The following EPB41L2 variants were observed in gnomAD, a reference collection of about 807,000 sequenced individuals.
EPB41L2 encodes erythrocyte membrane protein band 4.1 like 2.
Under a neutral mutation model 113.0 loss-of-function variants are expected in EPB41L2, and 43 were observed. The ratio of observed to expected loss-of-function variants is 0.38; its 90% CI spans 0.30 to 0.49. The LOEUF (loss-of-function observed/expected upper bound fraction) is 0.49. Among genes scored for constraint, EPB41L2 ranks in the 20% least tolerant of loss-of-function variants. The pLI is 0.95. For synonymous variants in EPB41L2, 442 were observed against 436.7 expected (o/e 1.01, Z -0.15); for missense variants, 1,147 against 1,223.4 (o/e 0.94, Z 0.93).
At chr6:130,891,170 T>C (rs1178124986) in intron 10 of EPB41L2, among the ~76,000 whole-genome samples, 1 of 152,208 alleles carries the variant, frequency 6.6e-6, no homozygotes, top group Non-Finnish European at 1.5e-5. Context: ...GAGCTCTTAA[T>C]TTATTAAATA....
intron 4 of EPB41L2, among the ~76,000 whole-genome samples, chr6:130,910,110 A>G (rs1798900957): frequency 6.6e-6 from 1 of 152,176 alleles, no homozygotes; most frequent in Non-Finnish European, 1.5e-5. Flanking sequence ...GAGGTATCAC[A>G]CTACCTGACT....
At chr6:130,960,388 C>T (rs765124981) in intron 1 of EPB41L2, among the ~76,000 whole-genome samples, 45 of 152,152 alleles carry the variant, frequency 3.0e-4, no homozygotes, top group Non-Finnish European at 5.3e-4. Context: ...CCCATTTGTA[C>T]GTTATTGCTT....
At chr6:131,010,191 C>T (rs1786581584) in intron 1 of EPB41L2, among the ~76,000 whole-genome samples, 1 of 152,124 alleles carries the variant, frequency 6.6e-6, no homozygotes, top group Admixed American at 6.5e-5. Context: ...TGCACATAAG[C>T]ATATAAACCC....
At chr6:130,865,454 G>T in intron 17 of EPB41L2, 82 bp downstream of exon 17, 1 of 1,370,050 alleles carries the variant, frequency 7.3e-7, no homozygotes, top group South Asian at 1.3e-5. Flanking sequence ...TTGGAAGTGT[G>T]TACAGGAAGA....
At chr6:131,051,774 T>A (rs1475627729) in intron 1 of EPB41L2, among the ~76,000 whole-genome samples, 2 of 152,048 alleles carry the variant, frequency 1.3e-5, no homozygotes, top group African/African-American at 2.4e-5. Flanking sequence ...CTAACAGAAT[T>A]CTATATACAA....
chr6:130,855,158 G>A (rs1779830522), intron 19 of EPB41L2, among the ~76,000 whole-genome samples: 1 of 41,628 alleles, frequency 2.4e-5, no homozygotes. Flanking sequence ...AGACCAGCCT[G>A]GCCAACATGG....
intron 10 of EPB41L2, 49 bp from the exon 11 acceptor site, chr6:130,890,515 A>C: frequency 6.4e-7 from 1 of 1,551,828 alleles, no homozygotes; most frequent in Non-Finnish European, 8.7e-7. Flanking sequence ...GGGAAGCAAA[A>C]TTAGACTTTA....
In EPB41L2 at chr6:131,048,325, A is replaced by AT. The variant is rs527576143; in HGVS notation, c.-15+14829dup. Among the ~76,000 whole-genome samples the AT allele has an allele frequency of 1.1e-4, 17 of 152,166 alleles. No homozygotes were observed. The East Asian group carries it at 2.7e-3, about 24-fold the overall frequency. On this transcript the variant is annotated intron_variant, in intron 1 of 19. Transcript: ENST00000337057. Reference sequence around the variant, plus strand: ...TAGAAATTGTTGGGGTTTTTGTTGTATTTTTTGTTTTATGTTCCTTGTTTT... The same window carrying AT: ...TAGAAATTGTTGGGGTTTTTGTTGTATTTTTTTGTTTTATGTTCCTTGTTTT...
chr6:131,040,769 C>A (rs1050696188), intron 1 of EPB41L2, among the ~76,000 whole-genome samples: 1 of 152,128 alleles, frequency 6.6e-6, no homozygotes, highest in Non-Finnish European at 1.5e-5. Context: ...GCAATGTAAA[C>A]CATACAAAAT....
chr6:130,865,557 C>T lies in EPB41L2; in HGVS notation c.2808G>A (p.Thr936=), dbSNP rs910852195. The change falls in exon 17 of 20, where the codon ACG becomes ACA. Residue 936 remains threonine, a synonymous_variant. Coordinates refer to ENST00000337057, the MANE Select transcript of EPB41L2 (RefSeq NM_001431.4). ...QTITSESVST[T]TTTHITKTVK... ...TTACCTTGGTGATGTGTGTGGTTGTCGTTGTTGACACGGACTCAGATGTGA... is the reference window on the plus strand; with the variant it reads ...TTACCTTGGTGATGTGTGTGGTTGTTGTTGTTGACACGGACTCAGATGTGA... The T allele has an allele frequency of 2.2e-5, 36 of 1,613,954 alleles. No individual in the cohort carries two copies. Among genetic ancestry groups the T allele is most frequent in the East Asian group, 4.5e-5 (2 of 44,888 alleles).
At chr6:130,992,796 T>C (rs956720797) in intron 1 of EPB41L2, among the ~76,000 whole-genome samples, 1 of 152,046 alleles carries the variant, frequency 6.6e-6, no homozygotes, top group African/African-American at 2.4e-5. Context: ...CAGCTAATTT[T>C]TGTTATTTTT....
intron 19 of EPB41L2, 80 bp downstream of exon 19, chr6:130,858,051 C>T (rs375943882): frequency 2.7e-6 from 3 of 1,125,358 alleles, no homozygotes; most frequent in South Asian, 2.5e-5. Context: ...CTGATATGAA[C>T]TTTCATTTCA....
At chr6:130,892,405 T>G (rs1793241056) in intron 10 of EPB41L2, among the ~76,000 whole-genome samples, 1 of 69,252 alleles carries the variant, frequency 1.4e-5, no homozygotes. Context: ...GATTATTGCT[T>G]TTTTTTTTTT....
intron 14 of EPB41L2, chr6:130,870,402 G>A (rs779117758): frequency 1.5e-5 from 24 of 1,550,284 alleles, no homozygotes; most frequent in Middle Eastern, 1.7e-4. Flanking sequence ...AAAAGCAACC[G>A]AGGACACAAA....
intron 1 of EPB41L2, among the ~76,000 whole-genome samples, chr6:131,016,793 T>C (rs759538123): frequency 2.0e-5 from 3 of 149,386 alleles, no homozygotes; most frequent in Non-Finnish European, 3.0e-5. Flanking sequence ...CTGGGTGACA[T>C]AGGGAGACTC....
intron 15 of EPB41L2, chr6:130,867,957 C>CACACAT: frequency 6.2e-6 from 1 of 162,146 alleles, no homozygotes. Flanking sequence ...CACACACACA[C>CACACAT]ACACACACAC....
In EPB41L2 at chr6:130,892,253, G is replaced by A. The variant is rs116104380; in HGVS notation, c.1488-1787C>T. Among the ~76,000 whole-genome samples, 258 of 152,190 alleles carry A rather than the reference G, an allele frequency of 1.7e-3. 1 individual carries two copies. Among genetic ancestry groups the A allele is most frequent in the African/African-American group, 5.5e-3 (229 of 41,550 alleles). ...CCCATCTCTGCTCAGATGCCTGGCTGCTGTGCTCCTCCACAGGCACCGATC... is the reference window on the plus strand; with the variant it reads ...CCCATCTCTGCTCAGATGCCTGGCTACTGTGCTCCTCCACAGGCACCGATC... On this transcript the variant is annotated intron_variant, in intron 10 of 19. Transcript: ENST00000337057.
At chr6:130,880,333 A>G in intron 12 of EPB41L2, 127 bp from the exon 13 acceptor site, 1 of 665,756 alleles carries the variant, frequency 1.5e-6, no homozygotes, top group Admixed American at 2.7e-5. Flanking sequence ...TACAAATCTT[A>G]TGAACTTAAA....
intron 13 of EPB41L2, among the ~76,000 whole-genome samples, chr6:130,879,384 C>A (rs995377490): frequency 2.0e-5 from 3 of 152,154 alleles, no homozygotes; most frequent in Admixed American, 2.0e-4. Flanking sequence ...GTAAGTTAAG[C>A]AAAAATACAT....
Sources: gnomAD v4.1 joint callset for allele counts (sites outside exome capture counted in the v4.1 genomes callset) on GRCh38, gnomAD v4.1.1 for gene constraint, MANE v1.5 for transcripts, NCBI Gene and HGNC (gene_info 2026-07-23, HGNC 2026-07-21) for gene names.